The following PDE4D variants were observed in gnomAD, a reference collection of about 807,000 sequenced individuals.
PDE4D encodes the protein phosphodiesterase 4D.
A neutral mutation model predicts 87.4 loss-of-function variants in PDE4D; 24 were observed. The observed-to-expected ratio is 0.27, with a 90% CI of 0.20 to 0.39. PDE4D has a LOEUF of 0.39. Among genes scored for constraint, PDE4D ranks in the 10% least tolerant of loss-of-function variants. The probability of loss-of-function intolerance (pLI) is 1.00; values close to 1 mark genes in which losing one functional copy is unlikely to be tolerated. For missense variants in PDE4D, 714 were observed against 1,041.0 expected, an observed-to-expected ratio of 0.69 and a Z score of 4.32; for synonymous variants, 384 against 383.2, an observed-to-expected ratio of 1.00 and a Z score of -0.02.
chr5:59,314,958 G>A (rs1197658495), intron 1 of PDE4D, among the ~76,000 whole-genome samples: 2 of 152,140 alleles, frequency 1.3e-5, no homozygotes, highest in African/African-American at 4.8e-5. Flanking sequence ...TGTGCACTGC[G>A]ACGATGGGGT....
At chr5:60,063,636 T>C (rs1437930738) in intron 2 of PDE4D, among the ~76,000 whole-genome samples, 1 of 152,162 alleles carries the variant, frequency 6.6e-6, no homozygotes, top group African/African-American at 2.4e-5. Flanking sequence ...CCTTGAAAGC[T>C]ATCTGGAAGA....
intron 1 of PDE4D, among the ~76,000 whole-genome samples, chr5:59,577,000 A>G (rs1235617396): frequency 6.6e-6 from 1 of 152,102 alleles, no homozygotes; most frequent in Non-Finnish European, 1.5e-5. Context: ...CTTCTCTAGA[A>G]CATCAAGGGA....
At chr5:59,541,327 A>G (rs1816307580) in intron 1 of PDE4D, among the ~76,000 whole-genome samples, 1 of 152,244 alleles carries the variant, frequency 6.6e-6, no homozygotes, top group Non-Finnish European at 1.5e-5. Context: ...ATTAAATGTT[A>G]TCAAAATAGA....
At chr5:59,854,310 C>T (rs1439813896) in intron 1 of PDE4D, among the ~76,000 whole-genome samples, 3 of 151,878 alleles carry the variant, frequency 2.0e-5, no homozygotes, top group Non-Finnish European at 4.4e-5. Context: ...CTATTAATGT[C>T]TTATATCTAT....
At chr5:59,491,605 A>ATTT (rs1465621319) in intron 1 of PDE4D, among the ~76,000 whole-genome samples, 1 of 152,120 alleles carries the variant, frequency 6.6e-6, no homozygotes, top group African/African-American at 2.4e-5. Context: ...AAATTCAAGT[A>ATTT]TTTTCCTCAG....
intron 6 of PDE4D, among the ~76,000 whole-genome samples, chr5:59,030,422 C>CAAAAAA (rs373275661): frequency 3.1e-3 from 183 of 58,168 alleles, no homozygotes; most frequent in East Asian, 4.3e-3. Flanking sequence ...AACAGAGATA[C>CAAAAAA]AAAAAAAAAA....
At chr5:60,260,735 C>A (rs1348537994) in intron 1 of PDE4D, among the ~76,000 whole-genome samples, 1 of 152,036 alleles carries the variant, frequency 6.6e-6, no homozygotes, top group Non-Finnish European at 1.5e-5. Flanking sequence ...GATGAACAAT[C>A]AAAATAAACA....
rs749424244 is a variant in PDE4D, at chr5:59,656,731, G to GA, written c.455+236436dup. ...AATAATACTTATTGGCAAGTTAGGG[G>GA]AAAAAATCACAAGTCTTGTATGGAA... is the stretch of plus-strand genomic sequence containing the variant. On this transcript the variant is annotated intron_variant, in intron 1 of 14. Coordinates refer to ENST00000340635, the MANE Select transcript of PDE4D (RefSeq NM_001104631.2). 7.9e-5 allele frequency among the ~76,000 whole-genome samples: 12 copies of GA among 152,212 alleles called. No individual in the cohort carries two copies. In the East Asian group the frequency reaches 1.7e-3, roughly 22 times the overall value.
At chr5:59,035,365 A>C (rs1758317550) in intron 6 of PDE4D, among the ~76,000 whole-genome samples, 1 of 152,238 alleles carries the variant, frequency 6.6e-6, no homozygotes, top group African/African-American at 2.4e-5. Context: ...ATACCACAAA[A>C]ACTGTAAATA....
At chr5:59,833,724 A>C (rs1241316503) in intron 1 of PDE4D, among the ~76,000 whole-genome samples, 1 of 151,952 alleles carries the variant, frequency 6.6e-6, no homozygotes. Flanking sequence ...GCAGTGTGAA[A>C]GGGGTGTGAG....
At chr5:59,045,366 C>A (rs1403771298) in intron 5 of PDE4D, among the ~76,000 whole-genome samples, 1 of 151,978 alleles carries the variant, frequency 6.6e-6, no homozygotes, top group African/African-American at 2.4e-5. Flanking sequence ...CCAGCCTGAT[C>A]CACATGGAGA....
chr5:59,449,674 C>T (rs745597478), intron 1 of PDE4D, among the ~76,000 whole-genome samples: 8 of 152,104 alleles, frequency 5.3e-5, no homozygotes, highest in African/African-American at 1.9e-4. Context: ...GTTAAAAATG[C>T]CTATATTCTA....
In PDE4D at chr5:59,899,964, G is replaced by C. The variant is rs146831791; in HGVS notation, c.272+88524C>G. Among the ~76,000 whole-genome samples the C allele has an allele frequency of 9.6e-4, 146 of 152,206 alleles. 1 individual carries two copies. Among genetic ancestry groups the C allele is most frequent in the Middle Eastern group, 3.4e-3 (1 of 294 alleles). On this transcript the variant is annotated intron_variant, in intron 3 of 16. Transcript: ENST00000502484. ...TAACTAAATTAAGACTATTTGGCTG[G>C]GTGCAGTGGCTCATGCCTGTAATCC... is the stretch of plus-strand genomic sequence containing the variant.
chr5:60,332,821 G>T (rs1047078430), intron 1 of PDE4D, among the ~76,000 whole-genome samples: 1 of 152,182 alleles, frequency 6.6e-6, no homozygotes, highest in South Asian at 2.1e-4. Flanking sequence ...TCTCTGTCAA[G>T]GAGACATGAT....
At chr5:59,562,954 C>G (rs1820281562) in intron 1 of PDE4D, among the ~76,000 whole-genome samples, 1 of 151,996 alleles carries the variant, frequency 6.6e-6, no homozygotes, top group Non-Finnish European at 1.5e-5. Context: ...TAGTGACTAG[C>G]CCAGAGGCTC....
chr5:59,758,028 C>CT (rs1305541313), intron 1 of PDE4D, among the ~76,000 whole-genome samples: 8 of 152,252 alleles, frequency 5.3e-5, no homozygotes, highest in African/African-American at 1.4e-4. Context: ...TTTGAATATT[C>CT]ATTGTTATAA....
chr5:59,544,445 C>T (rs1195179822), intron 1 of PDE4D, among the ~76,000 whole-genome samples: 3 of 152,262 alleles, frequency 2.0e-5, no homozygotes, highest in South Asian at 2.1e-4. Context: ...CAGGGGACAA[C>T]GTGCCCAGAA....
At chr5:59,293,672 C>T (rs942302962) in intron 1 of PDE4D, among the ~76,000 whole-genome samples, 5 of 152,080 alleles carry the variant, frequency 3.3e-5, no homozygotes, top group Non-Finnish European at 7.4e-5. Flanking sequence ...TTCTCCATTG[C>T]GTTCTTACCT....
intron 2 of PDE4D, among the ~76,000 whole-genome samples, chr5:59,995,743 G>T (rs1033010445): frequency 2.0e-5 from 3 of 152,156 alleles, no homozygotes; most frequent in Non-Finnish European, 1.5e-5. Context: ...GTAGGAGAAT[G>T]ATTTGCCTGT....
Sources: allele counts gnomAD v4.1 joint callset (sites outside exome capture counted in the v4.1 genomes callset), GRCh38; gene constraint gnomAD v4.1.1; transcripts MANE v1.5; gene names NCBI Gene and HGNC (gene_info 2026-07-23, HGNC 2026-07-21).